Variants in ADGRL2 observed in about 807,000 individuals in gnomAD.
ADGRL2 encodes the protein adhesion G protein-coupled receptor L2.
A neutral mutation model predicts 157.4 loss-of-function variants in ADGRL2; 44 were observed. The observed-to-expected ratio is 0.28, with a 90% CI of 0.22 to 0.36. ADGRL2 has a LOEUF of 0.36. ADGRL2 is among the 10% of genes least tolerant of loss of function. The probability of loss-of-function intolerance (pLI) is 1.00; values close to 1 mark genes in which losing one functional copy is unlikely to be tolerated. For synonymous variants in ADGRL2, 585 were observed against 624.7 expected, an observed-to-expected ratio of 0.94 and a Z score of 0.95; for missense variants, 1,510 against 1,768.9, an observed-to-expected ratio of 0.85 and a Z score of 2.63.
chr1:81,556,950 A>G (rs1396175345), intron 2 of ADGRL2, among the ~76,000 whole-genome samples: 1 of 150,594 alleles, frequency 6.6e-6, no homozygotes, highest in African/African-American at 2.4e-5. Context: ...GTGGTGTCGT[A>G]TGCCTGTAAT....
chr1:81,613,647 A>G (rs977030445), intron 3 of ADGRL2, among the ~76,000 whole-genome samples: 5 of 152,344 alleles, frequency 3.3e-5, no homozygotes, highest in Non-Finnish European at 5.9e-5. Flanking sequence ...GTCAGATCCT[A>G]TAGGAAGCCA....
intron 2 of ADGRL2, among the ~76,000 whole-genome samples, chr1:81,770,767 C>T (rs1414232728): frequency 6.6e-6 from 1 of 152,206 alleles, no homozygotes; most frequent in Non-Finnish European, 1.5e-5. Context: ...AGCCACAGCG[C>T]CCGGCCAATA....
intron 1 of ADGRL2, among the ~76,000 whole-genome samples, chr1:81,322,193 C>CAT (rs897470978): frequency 3.8e-4 from 56 of 147,270 alleles, no homozygotes; most frequent in East Asian, 1.2e-3. Context: ...TATACATATA[C>CAT]ATATATATAT....
intron 1 of ADGRL2, among the ~76,000 whole-genome samples, chr1:81,821,952 C>T (rs1571433935): frequency 6.7e-6 from 1 of 149,564 alleles, no homozygotes; most frequent in South Asian, 2.1e-4. Context: ...ATGTTTTTTT[C>T]AGTAGGCTCT....
chr1:81,613,205 GGTT>G (rs1471088642), intron 3 of ADGRL2, among the ~76,000 whole-genome samples: 1 of 152,162 alleles, frequency 6.6e-6, no homozygotes, highest in East Asian at 1.9e-4. Flanking sequence ...TGTCTCCTAT[GGTT>G]GTTGTGATGA....
chr1:81,513,230 G>T (rs1229142641), intron 2 of ADGRL2, among the ~76,000 whole-genome samples: 1 of 152,076 alleles, frequency 6.6e-6, no homozygotes, highest in East Asian at 1.9e-4. Context: ...AAAGCTAGAG[G>T]ATTGGTTGTG....
intron 2 of ADGRL2, among the ~76,000 whole-genome samples, chr1:81,858,853 T>G (rs1401173468): frequency 1.3e-5 from 2 of 152,228 alleles, no homozygotes; most frequent in Admixed American, 6.5e-5. Flanking sequence ...GAGTGCTTAT[T>G]TCCTATTGGC....
chr1:81,401,749 C>T (rs558948957), intron 1 of ADGRL2, among the ~76,000 whole-genome samples: 26 of 152,182 alleles, frequency 1.7e-4, no homozygotes, highest in African/African-American at 6.3e-4. Flanking sequence ...GCATCTTTTC[C>T]AGATGCCTGT....
intron 1 of ADGRL2, among the ~76,000 whole-genome samples, chr1:81,828,934 G>T (rs531611501): frequency 6.7e-6 from 1 of 149,810 alleles, no homozygotes; most frequent in Non-Finnish European, 1.5e-5. Context: ...TTTTTGGGAC[G>T]AAGTCTTGCT....
intron 2 of ADGRL2, among the ~76,000 whole-genome samples, chr1:81,778,376 A>G (rs56690098): frequency 0.14 from 20,652 of 151,968 alleles, 1,531 homozygotes; most frequent in Admixed American, 0.17. Flanking sequence ...CATCTTGTTC[A>G]CAAGGACATA....
chr1:81,898,291 T>G lies in ADGRL2; in HGVS notation c.74-8726T>G, dbSNP rs557860334. ...GTTGGGTATTTCATGCTCACCCCAC[T>G]TATATACAAATTACAACATTTTCTA... On this transcript the variant is annotated intron_variant, in intron 2 of 23. Coordinates refer to ENST00000686636, the MANE Select transcript of ADGRL2 (RefSeq NM_001366006.2). Among the ~76,000 whole-genome samples, 8 of 152,328 alleles carry G rather than the reference T, an allele frequency of 5.3e-5. 1 individual carries two copies. Among genetic ancestry groups the G allele is most frequent in the Non-Finnish European group, 1.0e-4 (7 of 68,034 alleles).
At chr1:81,961,123 T>A (rs1184015596) in intron 11 of ADGRL2, among the ~76,000 whole-genome samples, 3 of 147,912 alleles carry the variant, frequency 2.0e-5, no homozygotes, top group Non-Finnish European at 3.1e-5. Flanking sequence ...CTGTTTACAG[T>A]ATTGGCTGAG....
chr1:81,462,666 G>C (rs115561336), intron 2 of ADGRL2, among the ~76,000 whole-genome samples: 1 of 152,100 alleles, frequency 6.6e-6, no homozygotes, highest in Non-Finnish European at 1.5e-5. Context: ...TTGCTCCTCA[G>C]ATTTTCCAAG....
At chr1:81,362,430 T>A (rs1049825101) in intron 1 of ADGRL2, among the ~76,000 whole-genome samples, 4 of 151,888 alleles carry the variant, frequency 2.6e-5, no homozygotes, top group Non-Finnish European at 5.9e-5. Context: ...AGCTCATAGT[T>A]GGAAATGCAA....
chr1:81,563,435 C>T (rs919987156), intron 2 of ADGRL2, among the ~76,000 whole-genome samples: 2 of 151,942 alleles, frequency 1.3e-5, no homozygotes, highest in Non-Finnish European at 2.9e-5. Flanking sequence ...GAAAGCATTA[C>T]CTAAAAGAGG....
chr1:81,964,010 A>G (rs1030846736), intron 11 of ADGRL2, among the ~76,000 whole-genome samples: 2 of 151,680 alleles, frequency 1.3e-5, no homozygotes, highest in African/African-American at 4.8e-5. Flanking sequence ...ATTTATTGAT[A>G]TAAATTTATC....
intron 2 of ADGRL2, among the ~76,000 whole-genome samples, chr1:81,844,905 G>A (rs577287080): frequency 6.6e-6 from 1 of 152,046 alleles, no homozygotes; most frequent in Non-Finnish European, 1.5e-5. Flanking sequence ...TTTCTTAAAA[G>A]TGTTTTTTTT....
At chr1:81,923,608 G>A (rs2095038893) in intron 3 of ADGRL2, among the ~76,000 whole-genome samples, 2 of 151,856 alleles carry the variant, frequency 1.3e-5, no homozygotes, top group Non-Finnish European at 2.9e-5. Flanking sequence ...AATTTCTGTA[G>A]TTTTTATTAA....
At chr1:81,988,721 A>T (rs1239338329) in intron 23 of ADGRL2, among the ~76,000 whole-genome samples, 1 of 152,162 alleles carries the variant, frequency 6.6e-6, no homozygotes, top group Non-Finnish European at 1.5e-5. Context: ...CCCAACAATG[A>T]TCACATATTT....
Sources: allele counts gnomAD v4.1 joint callset (sites outside exome capture counted in the v4.1 genomes callset), GRCh38; gene constraint gnomAD v4.1.1; transcripts MANE v1.5; gene names NCBI Gene and HGNC (gene_info 2026-07-23, HGNC 2026-07-21).